The following NRG2 variants were observed in gnomAD, a reference collection of about 807,000 sequenced individuals.
NRG2 encodes pro-neuregulin-2, membrane-bound isoform.
Under a neutral mutation model 73.9 loss-of-function variants are expected in NRG2, and 27 were observed. That is an observed-to-expected ratio of 0.37 (90% CI 0.27 to 0.50). The LOEUF is 0.50. Ranked by LOEUF, NRG2 falls within the 20% of genes least tolerant of loss-of-function variation. NRG2 has a pLI of 0.96. For synonymous variants in NRG2, 532 were observed against 541.0 expected, an observed-to-expected ratio of 0.98 and a Z score of 0.23; for missense variants, 1,126 against 1,210.1, an observed-to-expected ratio of 0.93 and a Z score of 1.03.
At position 139,870,116 on chromosome 5, in the gene NRG2, G is replaced by A. The variant is rs936934137; in HGVS notation, c.1112+1605C>T. On this transcript the variant is annotated intron_variant, in intron 4 of 9. Coordinates refer to ENST00000361474, the MANE Select transcript of NRG2 (RefSeq NM_004883.3). The surrounding 1 kb of genome is among the most constrained non-coding windows in gnomAD (Gnocchi z 4.4). ...GGGGATGCAGGGCTGGGTCATCCCT[G>A]TGAGGTATTCCAGGACCCTGATGAA... is the stretch of plus-strand genomic sequence containing the variant. Among the ~76,000 whole-genome samples the A allele has an allele frequency of 6.6e-6, 1 of 152,166 alleles. No homozygotes were observed. The highest frequency in any genetic ancestry group is 2.4e-5 in the African/African-American group (1 of 41,420).
At position 140,042,867 on chromosome 5, in the gene NRG2, T is replaced by C; in HGVS notation, c.203A>G (p.Gln68Arg). The change falls in exon 1 of 10, where the codon CAG (glutamine) becomes CGG (arginine). Residue 68 changes from glutamine to arginine, a missense_variant. This residue lies in a region of NRG2 where 185 missense variants were observed against 149.0 expected (regional missense o/e 1.24). Coordinates refer to ENST00000361474, the MANE Select transcript of NRG2 (RefSeq NM_004883.3). ...GGGGCTGCGGGGCTGCGGCTGTTGC[T>C]GCGGCCGCGGCTCTGGGGGCGCAGC... ...RPAAPPEPRPQQQPQPRSPAA... is the reference protein window; with the variant it reads ...RPAAPPEPRPRQQPQPRSPAA... 1 of 1,507,872 alleles carries C rather than the reference T, an allele frequency of 6.6e-7. No homozygotes were observed. The highest frequency in any genetic ancestry group is 8.8e-7 in the Non-Finnish European group (1 of 1,130,668). The allele number at this position is 1,507,872 out of a possible 1,614,324, so 93.4% of individuals were successfully genotyped here. A position where few individuals can be genotyped will look rare whatever the true frequency, so the allele number is the denominator to read the frequency against.
At chr5:139,857,400 C>G (rs1455075080) in intron 5 of NRG2, among the ~76,000 whole-genome samples, 1 of 152,176 alleles carries the variant, frequency 6.6e-6, no homozygotes, top group Admixed American at 6.5e-5. Flanking sequence ...ATCGAGTCTG[C>G]ACCTATTGGC....
chr5:139,984,637 A>T (rs1286724754), intron 1 of NRG2, among the ~76,000 whole-genome samples: 3 of 152,240 alleles, frequency 2.0e-5, no homozygotes, highest in African/African-American at 4.8e-5. Flanking sequence ...AACTTTTAAA[A>T]TAAGAAAACA....
intron 1 of NRG2, among the ~76,000 whole-genome samples, chr5:139,916,482 A>C (rs1208276739): frequency 1.3e-5 from 2 of 152,230 alleles, no homozygotes; most frequent in African/African-American, 4.8e-5. Context: ...TGCAGCCATC[A>C]CTGCAATAAG....
At chr5:139,866,242 C>T (rs1169455623) in intron 4 of NRG2, among the ~76,000 whole-genome samples, 1 of 152,220 alleles carries the variant, frequency 6.6e-6, no homozygotes, top group Non-Finnish European at 1.5e-5. Flanking sequence ...AATACATTCT[C>T]AGGGTGCCTT....
chr5:140,004,786 G>T (rs1669426113), intron 1 of NRG2, among the ~76,000 whole-genome samples: 1 of 152,134 alleles, frequency 6.6e-6, no homozygotes, highest in African/African-American at 2.4e-5. Flanking sequence ...TAGAAAACTT[G>T]TGAAATTCAA....
intron 1 of NRG2, among the ~76,000 whole-genome samples, chr5:140,009,515 C>G (rs981121647): frequency 6.6e-6 from 1 of 152,126 alleles, no homozygotes; most frequent in African/African-American, 2.4e-5. Flanking sequence ...TGGGAAAATA[C>G]CAAAGAATGA....
At chr5:139,928,265 G>T (rs1752210657) in intron 1 of NRG2, among the ~76,000 whole-genome samples, 1 of 152,154 alleles carries the variant, frequency 6.6e-6, no homozygotes, top group Non-Finnish European at 1.5e-5. Context: ...AATGAGCCCA[G>T]GCATCCTGAT....
At chr5:139,985,110 T>C (rs264351) in intron 1 of NRG2, among the ~76,000 whole-genome samples, 51,294 of 151,654 alleles carry the variant, frequency 0.34, 9,397 homozygotes, top group African/African-American at 0.48. Context: ...GAGGCTGAGG[T>C]AGATGGATCA....
At chr5:139,940,234 T>C (rs529396161) in intron 1 of NRG2, among the ~76,000 whole-genome samples, 10 of 152,246 alleles carry the variant, frequency 6.6e-5, no homozygotes, top group South Asian at 2.1e-4. Flanking sequence ...TTGTGATATA[T>C]AAAAACAATG....
chr5:140,020,797 A>G (rs1760160056), intron 1 of NRG2, among the ~76,000 whole-genome samples: 1 of 152,264 alleles, frequency 6.6e-6, no homozygotes, highest in Admixed American at 6.5e-5. Context: ...CTGCCTCAGA[A>G]AAGAGTTAGT....
chr5:139,848,037 T>C lies in NRG2; in HGVS notation c.2433A>G (p.Pro811=), dbSNP rs868280274. 2.7e-6 allele frequency: 4 copies of C among 1,508,280 alleles called. No homozygotes were observed. Among genetic ancestry groups the C allele is most frequent in the Middle Eastern group, 2.2e-4 (1 of 4,472 alleles). 93.4% of individuals were successfully genotyped at this position (1,508,280 alleles called of 1,614,324 possible). A position where few individuals can be genotyped will look rare whatever the true frequency, so the allele number is the denominator to read the frequency against. ...AHDALRSDSP[P]LCPAADSRTY... is the part of the protein sequence containing the mutation. ...TCCTGCTGTCGGCCGCCGGGCACAG[T>C]GGCGGCGAGTCCGAGCGCAGCGCGT... Residue 811 remains proline, a synonymous_variant, in exon 10 of 10, where the codon CCA becomes CCG. Transcript: ENST00000361474.
intron 1 of NRG2, among the ~76,000 whole-genome samples, chr5:139,906,731 T>C (rs2127184873): frequency 6.6e-6 from 1 of 152,288 alleles, no homozygotes. Context: ...TTAAAATTTG[T>C]GTGAAATATT....
Position 139,870,795 on chromosome 5 carries a change from C to T in NRG2, c.1112+926G>A, listed in dbSNP as rs1417342204. 6.6e-6 allele frequency among the ~76,000 whole-genome samples: 1 copy of T among 152,202 alleles called. No homozygotes were observed. Among genetic ancestry groups the T allele is most frequent in the Non-Finnish European group, 1.5e-5 (1 of 68,028 alleles). On this transcript the variant is annotated intron_variant, in intron 4 of 9. Coordinates refer to ENST00000361474, the MANE Select transcript of NRG2 (RefSeq NM_004883.3). This position sits in a 1 kb window ranked among gnomAD's most constrained non-coding sequence, Gnocchi z 4.4. ...TCCCCTCCCCTCCTCACACACTCAC[C>T]AGAGAATCTGTCCAGGGGGCACTGT...
At chr5:139,884,554 A>G (rs1270183531) in intron 2 of NRG2, among the ~76,000 whole-genome samples, 1 of 152,228 alleles carries the variant, frequency 6.6e-6, no homozygotes, top group East Asian at 1.9e-4. Context: ...TGTTAGAAAG[A>G]TCATTTCCCG....
At position 140,042,570 on chromosome 5, in the gene NRG2, C is replaced by G; in HGVS notation, c.500G>C (p.Trp167Ser). ...RVALVKVLDK[W>S]PLRSGGLQRE... ...CTGCAGCCCCCCGCTCCGGAGCGGC[C>G]ACTTGTCCAGCACCTTTACCAACGC... is the stretch of plus-strand genomic sequence containing the variant. The change falls in exon 1 of 10, where the codon TGG becomes TCG. Residue 167 changes from tryptophan to serine, a missense_variant. Around this residue, in one of 3 missense-constraint regions of NRG2, gnomAD observed 539 missense variants for 703.2 expected, o/e 0.77. Coordinates refer to ENST00000361474, the MANE Select transcript of NRG2 (RefSeq NM_004883.3). 6.2e-7 allele frequency: 1 copy of G among 1,612,016 alleles called. No individual in the cohort carries two copies. The highest frequency in any genetic ancestry group is 8.5e-7 in the Non-Finnish European group (1 of 1,179,094).
At chr5:139,975,668 T>TG (rs1481283088) in intron 1 of NRG2, among the ~76,000 whole-genome samples, 1 of 152,170 alleles carries the variant, frequency 6.6e-6, no homozygotes, top group Non-Finnish European at 1.5e-5. Context: ...CTGGGGCAGC[T>TG]GGGCTGGGCT....
chr5:140,005,230 G>A (rs558312923), intron 1 of NRG2, among the ~76,000 whole-genome samples: 1 of 152,268 alleles, frequency 6.6e-6, no homozygotes, highest in Non-Finnish European at 1.5e-5. Flanking sequence ...AACTCCTCCT[G>A]TGAACATCAA....
At chr5:140,000,676 G>A (rs924128126) in intron 1 of NRG2, among the ~76,000 whole-genome samples, 2 of 152,144 alleles carry the variant, frequency 1.3e-5, no homozygotes, top group African/African-American at 4.8e-5. Context: ...GGCTCTCTTC[G>A]GAGCTCTCGA....
Sources: gnomAD v4.1 joint callset for allele counts (sites outside exome capture counted in the v4.1 genomes callset) on GRCh38, gnomAD v4.1.1 for gene constraint, gnomAD v4.1.1 regional missense constraint, Gnocchi (gnomAD v3.1) non-coding constraint, MANE v1.5 for transcripts, NCBI Gene and HGNC (gene_info 2026-07-23, HGNC 2026-07-21) for gene names.